Variants in CTNNA3 observed in about 807,000 individuals in gnomAD.
The protein encoded by CTNNA3 is catenin alpha-3.
CTNNA3 carries 76 observed loss-of-function variants against 95.7 expected under a neutral mutation model. That is an observed-to-expected ratio of 0.79 (90% CI 0.66 to 0.96). CTNNA3 has a LOEUF of 0.96. CTNNA3 is among the 40% of genes least tolerant of loss of function. The pLI is 0.00. For synonymous variants in CTNNA3, 431 were observed against 374.4 expected (o/e 1.15, Z -1.74); for missense variants, 1,191 against 1,089.8 (o/e 1.09, Z -1.31).
chr10:66,428,204 T>G (rs2093260344), intron 11 of CTNNA3, among the ~76,000 whole-genome samples: 1 of 152,186 alleles, frequency 6.6e-6, no homozygotes, highest in Non-Finnish European at 1.5e-5. Context: ...AAGAGCTAAC[T>G]ATCCTAAATA....
At chr10:66,928,492 G>A (rs1204870750) in intron 7 of CTNNA3, 1 of 1,529,838 alleles carries the variant, frequency 6.5e-7, no homozygotes, top group East Asian at 2.3e-5. Flanking sequence ...TAAAAGCTGG[G>A]AAATAAGTGG....
intron 11 of CTNNA3, among the ~76,000 whole-genome samples, chr10:66,514,269 C>G (rs895233273): frequency 6.6e-6 from 1 of 152,084 alleles, no homozygotes; most frequent in Non-Finnish European, 1.5e-5. Flanking sequence ...CAGCAAATAC[C>G]TATTAAGAGA....
At chr10:66,951,365 C>T (rs1848531209) in intron 7 of CTNNA3, among the ~76,000 whole-genome samples, 1 of 152,212 alleles carries the variant, frequency 6.6e-6, no homozygotes. Flanking sequence ...ATCCATCCGC[C>T]TCTGCCTCCC....
At chr10:66,326,918 G>A (rs1419007579) in intron 12 of CTNNA3, among the ~76,000 whole-genome samples, 1 of 152,098 alleles carries the variant, frequency 6.6e-6, no homozygotes, top group Non-Finnish European at 1.5e-5. Context: ...AAAGTAGGCA[G>A]AGAGCTTTTC....
chr10:66,255,949 A>G (rs1298456036), intron 13 of CTNNA3, among the ~76,000 whole-genome samples: 1 of 152,166 alleles, frequency 6.6e-6, no homozygotes, highest in African/African-American at 2.4e-5. Flanking sequence ...GCGAAGAAAA[A>G]TCTTGCCTTT....
chr10:66,838,578 A>G (rs1329113033), intron 7 of CTNNA3, among the ~76,000 whole-genome samples: 1 of 152,168 alleles, frequency 6.6e-6, no homozygotes, highest in Non-Finnish European at 1.5e-5. Flanking sequence ...TGCCTTCATC[A>G]GTTAGAGATA....
chr10:67,457,922 A>C (rs1366170692), intron 5 of CTNNA3, among the ~76,000 whole-genome samples: 1 of 152,142 alleles, frequency 6.6e-6, no homozygotes, highest in Non-Finnish European at 1.5e-5. Flanking sequence ...ATTGATTAGC[A>C]ACTTTAATTC....
At chr10:66,281,879 T>C (rs6480157) in intron 12 of CTNNA3, among the ~76,000 whole-genome samples, 84,016 of 151,452 alleles carry the variant, frequency 0.55, 24,540 homozygotes, top group African/African-American at 0.75. Context: ...AGCCACCATA[T>C]CTGCTGACAT....
intron 9 of CTNNA3, among the ~76,000 whole-genome samples, chr10:66,694,745 G>A (rs1259165224): frequency 6.6e-6 from 1 of 152,134 alleles, no homozygotes; most frequent in African/African-American, 2.4e-5. Flanking sequence ...ATCTACATCT[G>A]TGAATTCCAA....
chr10:66,008,021 C>A (rs555918772), intron 15 of CTNNA3, among the ~76,000 whole-genome samples: 1 of 152,108 alleles, frequency 6.6e-6, no homozygotes, highest in African/African-American at 2.4e-5. Flanking sequence ...TAGGCCTCAA[C>A]GTTTTCCCCA....
rs190796235 is a variant in CTNNA3 at position 66,001,162 on chromosome 10, G to A, written c.2160-12365C>T. 2.2e-4 allele frequency among the ~76,000 whole-genome samples: 34 copies of A among 152,006 alleles called. 1 individual carries two copies. The highest frequency in any genetic ancestry group is 1.6e-3 in the Admixed American group (24 of 15,268). ...ATATATACTACATTGCATAGATTTCGGGGGTCATGACAAGTGATTGAAATG... is the reference window on the plus strand; with the variant it reads ...ATATATACTACATTGCATAGATTTCAGGGGTCATGACAAGTGATTGAAATG... On this transcript the variant is annotated intron_variant, in intron 15 of 17. Coordinates refer to ENST00000433211, the MANE Select transcript of CTNNA3 (RefSeq NM_013266.4).
At chr10:66,401,121 AC>A (rs1360546461) in intron 11 of CTNNA3, among the ~76,000 whole-genome samples, 1 of 152,178 alleles carries the variant, frequency 6.6e-6, no homozygotes, top group Non-Finnish European at 1.5e-5. Flanking sequence ...TTTGCTGCTT[AC>A]CAGTTCTATA....
intron 6 of CTNNA3, among the ~76,000 whole-genome samples, chr10:67,192,521 C>T (rs999588979): frequency 3.9e-5 from 6 of 151,940 alleles, no homozygotes; most frequent in Non-Finnish European, 7.4e-5. Context: ...TAGCACTGAT[C>T]ATCAAGGGAA....
At chr10:67,251,955 A>G (rs1203457438) in intron 5 of CTNNA3, among the ~76,000 whole-genome samples, 1 of 152,084 alleles carries the variant, frequency 6.6e-6, no homozygotes, top group Non-Finnish European at 1.5e-5. Context: ...CACACCTGTA[A>G]TCCCAGCACT....
chr10:67,151,032 C>T (rs139425049), intron 7 of CTNNA3, among the ~76,000 whole-genome samples: 14 of 152,286 alleles, frequency 9.2e-5, no homozygotes, highest in Non-Finnish European at 2.1e-4. Context: ...TCCCATGATG[C>T]ACAGATGGCT....
In CTNNA3 at chr10:66,736,185, C is replaced by T. The variant is rs12261548; in HGVS notation, c.1281+30079G>A. ...TGGAGGAAGACCTAGTGAAAAGTGACGAATACTTTTTTTTTTTTTAGACTG... is the reference window on the plus strand; with the variant it reads ...TGGAGGAAGACCTAGTGAAAAGTGATGAATACTTTTTTTTTTTTTAGACTG... On this transcript the variant is annotated intron_variant, in intron 9 of 17. Transcript: ENST00000433211. Among the ~76,000 whole-genome samples, 1,291 of 151,670 alleles carry T rather than the reference C, an allele frequency of 8.5e-3. 16 individuals are homozygous for T. The highest frequency in any genetic ancestry group is 0.03 in the African/African-American group (1,229 of 41,384).
At chr10:67,479,328 C>CT (rs1209442135) in intron 5 of CTNNA3, among the ~76,000 whole-genome samples, 1 of 152,110 alleles carries the variant, frequency 6.6e-6, no homozygotes, top group Non-Finnish European at 1.5e-5. Context: ...GGAACATACT[C>CT]TGAGATTGAC....
At chr10:66,712,627 C>T (rs750846592) in intron 9 of CTNNA3, among the ~76,000 whole-genome samples, 10 of 152,174 alleles carry the variant, frequency 6.6e-5, no homozygotes, top group Non-Finnish European at 1.3e-4. Context: ...CAGCAAGAGA[C>T]ATTTGAATAT....
At chr10:66,452,010 C>T (rs1239469000) in intron 11 of CTNNA3, among the ~76,000 whole-genome samples, 2 of 152,166 alleles carry the variant, frequency 1.3e-5, no homozygotes, top group African/African-American at 4.8e-5. Flanking sequence ...CCCTCATCTT[C>T]CTATTTCTGA....
Sources: allele counts gnomAD v4.1 joint callset (sites outside exome capture counted in the v4.1 genomes callset), GRCh38; gene constraint gnomAD v4.1.1; transcripts MANE v1.5; gene names NCBI Gene and HGNC (gene_info 2026-07-23, HGNC 2026-07-21).